Variants in LRRC1 observed in about 807,000 individuals in gnomAD.
LRRC1 encodes leucine rich repeat containing 1.
A neutral mutation model predicts 69.9 loss-of-function variants in LRRC1; 28 were observed. The observed-to-expected ratio is 0.40, with a 90% confidence interval of 0.30 to 0.55. LRRC1 has a LOEUF of 0.55. LRRC1 is among the 20% of genes least tolerant of loss of function. The probability of loss-of-function intolerance (pLI) is 0.47; values close to 1 mark genes in which losing one functional copy is unlikely to be tolerated. For missense variants in LRRC1, 498 were observed against 609.0 expected (o/e 0.82, Z 1.92); for synonymous variants, 236 against 240.2 (o/e 0.98, Z 0.16).
chr6:53,806,410 G>A (rs562823711), intron 1 of LRRC1, among the ~76,000 whole-genome samples: 167 of 152,302 alleles, frequency 1.1e-3, no homozygotes, highest in African/African-American at 3.8e-3. Flanking sequence ...GAACCGGGCA[G>A]TCTATAGTCC....
chr6:53,894,551 G>A (rs943248059), intron 4 of LRRC1, among the ~76,000 whole-genome samples: 1 of 151,966 alleles, frequency 6.6e-6, no homozygotes, highest in African/African-American at 2.4e-5. Flanking sequence ...TGAAAGTAGT[G>A]GATTACCGAA....
At chr6:53,914,516 G>A (rs939641047) in intron 11 of LRRC1, among the ~76,000 whole-genome samples, 7 of 152,250 alleles carry the variant, frequency 4.6e-5, no homozygotes, top group South Asian at 4.1e-4. Flanking sequence ...GTTCAGAGCC[G>A]CCAGACTAGT....
At chr6:53,849,898 A>T (rs1025484519) in intron 2 of LRRC1, among the ~76,000 whole-genome samples, 1 of 152,154 alleles carries the variant, frequency 6.6e-6, no homozygotes, top group Non-Finnish European at 1.5e-5. Flanking sequence ...TTGAGTTTAC[A>T]ATGAGCTATG....
At chr6:53,833,141 G>T (rs908723552) in intron 1 of LRRC1, among the ~76,000 whole-genome samples, 1 of 152,034 alleles carries the variant, frequency 6.6e-6, no homozygotes, top group Non-Finnish European at 1.5e-5. Context: ...CATCAGTCTG[G>T]TCCTCCCATG....
chr6:53,888,930 A>G (rs1767582594), intron 4 of LRRC1, among the ~76,000 whole-genome samples: 4 of 152,212 alleles, frequency 2.6e-5, no homozygotes. Context: ...CAACCCACAG[A>G]ATGGGAAAAA....
At chr6:53,910,704 T>C (rs1768380361) in intron 10 of LRRC1, among the ~76,000 whole-genome samples, 1 of 152,256 alleles carries the variant, frequency 6.6e-6, no homozygotes, top group South Asian at 2.1e-4. Context: ...TCATTTAAGT[T>C]AATCATTATT....
At chr6:53,906,915 G>A (rs181642373) in intron 10 of LRRC1, among the ~76,000 whole-genome samples, 274 of 152,302 alleles carry the variant, frequency 1.8e-3, no homozygotes, top group Middle Eastern at 3.4e-3. Context: ...AGCTCCCAGC[G>A]TAGGAAAATG....
At chr6:53,920,885 A>AT (rs2127443495) in intron 13 of LRRC1, 124 bp downstream of exon 13, 1 of 1,108,252 alleles carries the variant, frequency 9.0e-7, no homozygotes. Flanking sequence ...GCATTTAGGA[A>AT]TTTTTTTAGA....
At chr6:53,901,745 C>T (rs936226514) in intron 8 of LRRC1, among the ~76,000 whole-genome samples, 33 of 152,256 alleles carry the variant, frequency 2.2e-4, no homozygotes, top group African/African-American at 7.2e-4. Context: ...ATCTCCTGAC[C>T]GTGAGGGCAG....
At chr6:53,828,403 G>C (rs1765333981) in intron 1 of LRRC1, among the ~76,000 whole-genome samples, 1 of 152,226 alleles carries the variant, frequency 6.6e-6, no homozygotes, top group Non-Finnish European at 1.5e-5. Flanking sequence ...TGATGCCGGA[G>C]GGGCTGGCCT....
intron 1 of LRRC1, among the ~76,000 whole-genome samples, chr6:53,796,707 C>T (rs78623783): frequency 0.01 from 1,564 of 152,258 alleles, 33 homozygotes; most frequent in East Asian, 0.089. Context: ...TCTGTGTAAT[C>T]ATGGAGATTA....
chr6:53,810,723 A>G (rs1764768982), intron 1 of LRRC1, among the ~76,000 whole-genome samples: 2 of 152,248 alleles, frequency 1.3e-5, no homozygotes, highest in Non-Finnish European at 2.9e-5. Context: ...ATAGGGTATA[A>G]TAAAAATTAA....
intron 2 of LRRC1, among the ~76,000 whole-genome samples, chr6:53,868,726 AGCT>A (rs1185725611): frequency 6.6e-6 from 1 of 152,182 alleles, no homozygotes; most frequent in African/African-American, 2.4e-5. Flanking sequence ...AAACAGATCA[AGCT>A]GGCATATGGT....
At chr6:53,918,034 G>C (rs1768624902) in intron 11 of LRRC1, among the ~76,000 whole-genome samples, 1 of 152,260 alleles carries the variant, frequency 6.6e-6, no homozygotes, top group South Asian at 2.1e-4. Context: ...ATGGAATTGT[G>C]AATCTGCTGT....
At chr6:53,903,798 G>A (rs1200850576) in intron 9 of LRRC1, among the ~76,000 whole-genome samples, 1 of 152,202 alleles carries the variant, frequency 6.6e-6, no homozygotes, top group African/African-American at 2.4e-5. Flanking sequence ...CTTACAAATA[G>A]TAATCATAAC....
chr6:53,852,890 A>G (rs2127420076), intron 2 of LRRC1, among the ~76,000 whole-genome samples: 1 of 152,328 alleles, frequency 6.6e-6, no homozygotes, highest in Non-Finnish European at 1.5e-5. Context: ...CTATTACAAA[A>G]TGCCTTAGAC....
At chr6:53,855,589 A>G (rs1766284403) in intron 2 of LRRC1, among the ~76,000 whole-genome samples, 2 of 152,198 alleles carry the variant, frequency 1.3e-5, no homozygotes, top group Admixed American at 1.3e-4. Context: ...TCCTCATCTT[A>G]CATTGAATGT....
chr6:53,836,227 A>T (rs1472655167), intron 1 of LRRC1, among the ~76,000 whole-genome samples: 1 of 152,232 alleles, frequency 6.6e-6, no homozygotes, highest in Admixed American at 6.5e-5. Context: ...ATGTAGATGC[A>T]TGAGTCCAGA....
intron 2 of LRRC1, among the ~76,000 whole-genome samples, chr6:53,878,227 A>G (rs768775529): frequency 1.1e-4 from 16 of 152,224 alleles, no homozygotes; most frequent in Non-Finnish European, 2.2e-4. Context: ...GGAATTCAAG[A>G]TGAGATTTGG....
Sources: allele counts gnomAD v4.1 joint callset (sites outside exome capture counted in the v4.1 genomes callset), GRCh38; gene constraint gnomAD v4.1.1; transcripts MANE v1.5; gene names NCBI Gene and HGNC (gene_info 2026-07-23, HGNC 2026-07-21).